The following LPAR1 variants were observed in gnomAD, a reference collection of about 807,000 sequenced individuals.
LPAR1 encodes lysophosphatidic acid receptor 1.
LPAR1 carries 5 observed loss-of-function variants against 23.8 expected under a neutral mutation model. The observed-to-expected ratio is 0.21, with a 90% CI of 0.11 to 0.44. The LOEUF (loss-of-function observed/expected upper bound fraction) is 0.44. Ranked by LOEUF, LPAR1 falls within the 20% of genes least tolerant of loss-of-function variation. The pLI is 0.99. For synonymous variants in LPAR1, 160 were observed against 164.7 expected (o/e 0.97, Z 0.22); for missense variants, 311 against 482.8 (o/e 0.64, Z 3.33).
chr9:110,960,192 T>C (rs777933020), intron 4 of LPAR1, among the ~76,000 whole-genome samples: 3 of 152,094 alleles, frequency 2.0e-5, no homozygotes, highest in East Asian at 1.9e-4. Context: ...TAGGAACACA[T>C]GGATGTGTTC....
At chr9:110,889,170 G>A (rs1205832938) in intron 5 of LPAR1, among the ~76,000 whole-genome samples, 1 of 152,102 alleles carries the variant, frequency 6.6e-6, no homozygotes, top group Non-Finnish European at 1.5e-5. Flanking sequence ...GACCATCCTG[G>A]CTAACAAGGT....
chr9:110,947,550 C>T (rs1446471209), intron 4 of LPAR1, among the ~76,000 whole-genome samples: 1 of 152,188 alleles, frequency 6.6e-6, no homozygotes, highest in Non-Finnish European at 1.5e-5. Flanking sequence ...ATCTGTCAAG[C>T]CTAAACGCTA....
At chr9:110,886,092 G>A (rs536482367) in intron 5 of LPAR1, among the ~76,000 whole-genome samples, 3 of 152,142 alleles carry the variant, frequency 2.0e-5, no homozygotes, top group South Asian at 4.2e-4. Flanking sequence ...CAGCCACTCC[G>A]GAGTCTACGG....
chr9:111,021,022 A>G (rs1459728807), intron 2 of LPAR1, among the ~76,000 whole-genome samples: 1 of 152,234 alleles, frequency 6.6e-6, no homozygotes, highest in Non-Finnish European at 1.5e-5. Context: ...GTGTAATAAC[A>G]TATTCACGTT....
intron 2 of LPAR1, among the ~76,000 whole-genome samples, chr9:110,992,492 C>A (rs748353964): frequency 6.6e-6 from 1 of 152,094 alleles, no homozygotes; most frequent in Non-Finnish European, 1.5e-5. Flanking sequence ...TAGGTATTTA[C>A]CCAAGAGAAA....
Position 111,019,537 on chromosome 9 carries a change from T to C in LPAR1, c.-182+16585A>G, listed in dbSNP as rs533212744. ...CGGCTACTGGACAGAGTTACTTTTATTCCCTACCCAAATTAGTGGAATGTT... is the reference window on the plus strand; with the variant it reads ...CGGCTACTGGACAGAGTTACTTTTACTCCCTACCCAAATTAGTGGAATGTT... On this transcript the variant is annotated intron_variant, in intron 2 of 5. Coordinates refer to ENST00000683809, the MANE Select transcript of LPAR1 (RefSeq NM_001351411.2). Among the ~76,000 whole-genome samples, 5 of 152,232 alleles carry C rather than the reference T, an allele frequency of 3.3e-5. No individual in the cohort carries two copies. The South Asian group carries it at 8.3e-4, about 25-fold the overall frequency.
chr9:110,880,833 A>G (rs910476657), intron 5 of LPAR1, among the ~76,000 whole-genome samples: 4 of 152,210 alleles, frequency 2.6e-5, no homozygotes, highest in Non-Finnish European at 5.9e-5. Flanking sequence ...GTATCCCAGA[A>G]TCTAATCAAA....
At chr9:110,905,341 T>A (rs905140479) in intron 5 of LPAR1, among the ~76,000 whole-genome samples, 3 of 129,708 alleles carry the variant, frequency 2.3e-5, no homozygotes, top group South Asian at 4.5e-4. Flanking sequence ...CCTTTGCTTT[T>A]TTTTATTATT....
chr9:110,930,070 G>A (rs2094303091), intron 5 of LPAR1, among the ~76,000 whole-genome samples: 1 of 152,122 alleles, frequency 6.6e-6, no homozygotes, highest in Admixed American at 6.5e-5. Context: ...GGCCATTACA[G>A]ACTGTAAAAC....
chr9:111,038,671 G>T (rs1449540111), upstream of LPAR1: 3 of 453,554 alleles, frequency 6.6e-6, no homozygotes, highest in African/African-American at 2.0e-5. This position sits in a 1 kb window ranked among gnomAD's most constrained non-coding sequence, Gnocchi z 4.4. Context: ...CGCCCCCAGC[G>T]CCCCTGACCT....
chr9:110,936,340 A>G (rs1282941592), intron 5 of LPAR1, among the ~76,000 whole-genome samples: 1 of 152,196 alleles, frequency 6.6e-6, no homozygotes, highest in East Asian at 1.9e-4. Flanking sequence ...TAAGAAAACT[A>G]TGGTCTTAAA....
chr9:111,001,208 AAG>A (rs2097122717), intron 2 of LPAR1, among the ~76,000 whole-genome samples: 1 of 152,238 alleles, frequency 6.6e-6, no homozygotes, highest in Non-Finnish European at 1.5e-5. Flanking sequence ...TAAGGAGTGA[AAG>A]AGTCAAAACT....
intron 2 of LPAR1, among the ~76,000 whole-genome samples, chr9:110,977,169 C>T (rs1287783331): frequency 6.6e-6 from 1 of 152,138 alleles, no homozygotes; most frequent in African/African-American, 2.4e-5. Context: ...TCCACTAAAC[C>T]CATAATGATA....
chr9:110,982,907 T>C (rs892189376), intron 2 of LPAR1, among the ~76,000 whole-genome samples: 3 of 133,792 alleles, frequency 2.2e-5, no homozygotes, highest in African/African-American at 8.2e-5. Flanking sequence ...CGGCCAAACA[T>C]GAAGAGATGC....
At position 110,982,897 on chromosome 9, in the gene LPAR1, C is replaced by T. The variant is rs1052136153; in HGVS notation, c.-181-9339G>A. ...ACACACACACACACACACACACACACGGCCAAACATGAAGAGATGCTCAAC... is the reference window on the plus strand; with the variant it reads ...ACACACACACACACACACACACACATGGCCAAACATGAAGAGATGCTCAAC... On this transcript the variant is annotated intron_variant, in intron 2 of 5. Transcript: ENST00000683809. Among the ~76,000 whole-genome samples, 9 of 150,668 alleles carry T rather than the reference C, an allele frequency of 6.0e-5. No homozygotes were observed. In the East Asian group the frequency reaches 7.8e-4, roughly 13 times the overall value.
intron 2 of LPAR1, among the ~76,000 whole-genome samples, chr9:111,035,223 C>T (rs942048495): frequency 2.1e-5 from 3 of 141,996 alleles, no homozygotes; most frequent in Non-Finnish European, 4.6e-5. Flanking sequence ...AATAGTTTTC[C>T]CTAAGATTTT....
chr9:111,020,445 T>C (rs958546707), intron 2 of LPAR1, among the ~76,000 whole-genome samples: 1 of 152,198 alleles, frequency 6.6e-6, no homozygotes, highest in African/African-American at 2.4e-5. Flanking sequence ...TGAGATTCCC[T>C]TGAACAATCA....
At chr9:111,025,172 T>C (rs180962894) in intron 2 of LPAR1, among the ~76,000 whole-genome samples, 1 of 152,338 alleles carries the variant, frequency 6.6e-6, no homozygotes, top group African/African-American at 2.4e-5. Flanking sequence ...ACCAACAGTA[T>C]AAAAGCATTC....
intron 4 of LPAR1, among the ~76,000 whole-genome samples, chr9:110,962,596 T>C (rs1254425786): frequency 6.6e-6 from 1 of 152,210 alleles, no homozygotes; most frequent in Non-Finnish European, 1.5e-5. Flanking sequence ...GTCTGAATCA[T>C]TGAAAGTTGC....
Sources: gnomAD v4.1 joint callset for allele counts (sites outside exome capture counted in the v4.1 genomes callset) on GRCh38, gnomAD v4.1.1 for gene constraint, Gnocchi (gnomAD v3.1) non-coding constraint, MANE v1.5 for transcripts, NCBI Gene and HGNC (gene_info 2026-07-23, HGNC 2026-07-21) for gene names.